The following CTBS variants were observed in gnomAD, a reference collection of about 807,000 sequenced individuals.
CTBS encodes di-N-acetylchitobiase.
Under a neutral mutation model 44.3 loss-of-function variants are expected in CTBS, and 35 were observed. The ratio of observed to expected loss-of-function variants is 0.79; its 90% CI spans 0.60 to 1.05. The LOEUF (loss-of-function observed/expected upper bound fraction) is 1.05. Among genes scored for constraint, CTBS ranks in the 50% least tolerant of loss-of-function variants. CTBS has a pLI of 0.00. For missense variants in CTBS, 458 were observed against 475.3 expected (o/e 0.96, Z 0.34); for synonymous variants, 143 against 168.0 (o/e 0.85, Z 1.15).
intron 1 of CTBS, chr1:84,574,008 TC>T (rs922742134): frequency 1.7e-5 from 23 of 1,390,776 alleles, no homozygotes; most frequent in African/African-American, 7.5e-5. Flanking sequence ...GTTTGAACTC[TC>T]GCCTGCCTAC....
rs941592740 is a variant in CTBS, at chr1:84,574,325, G to A, written c.91C>T (p.Leu31=). ...GLALLALLAL[L]ALRLAAGTDC... ...GTCCCGGCCGCGAGCCGCAGCGCCA[G>A]CAGCGCCAGCAGCGCCAGCAGCGCT... Residue 31 remains leucine, a synonymous_variant, in exon 1 of 7, where the codon CTG becomes TTG. Coordinates refer to ENST00000370630, the MANE Select transcript of CTBS (RefSeq NM_004388.3). The A allele has an allele frequency of 6.8e-7, 1 of 1,476,246 alleles. No homozygotes were observed. The highest frequency in any genetic ancestry group is 2.4e-5 in the African/African-American group (1 of 42,396). 91.4% of individuals were successfully genotyped at this position (1,476,246 alleles called of 1,614,324 possible).
intron 1 of CTBS, 25 bp downstream of exon 1, chr1:84,574,214 T>C (rs1319032369): frequency 1.3e-5 from 20 of 1,599,740 alleles, no homozygotes; most frequent in Non-Finnish European, 1.5e-5. Flanking sequence ...AGCCCAGACC[T>C]AGAGGAGCAG....
At chr1:84,562,405 G>T (rs1490474853) in intron 6 of CTBS, among the ~76,000 whole-genome samples, 1 of 152,098 alleles carries the variant, frequency 6.6e-6, no homozygotes, top group African/African-American at 2.4e-5. Context: ...CTCTGTGGAG[G>T]CATACACATG....
chr1:84,550,554 G>T lies in CTBS; in HGVS notation c.*4445C>A. 1 of 1,485,420 alleles carries T rather than the reference G, an allele frequency of 6.7e-7. No individual in the cohort carries two copies. Among genetic ancestry groups the T allele is most frequent in the Non-Finnish European group, 9.0e-7 (1 of 1,113,670 alleles). The allele number at this position is 1,485,420 out of a possible 1,614,324, so 92.0% of individuals were successfully genotyped here. ...AGGTAATTTACATTTTTCCTAATCAGATTATTATAACATTTATCTTGAAAT... is the reference window on the plus strand; with the variant it reads ...AGGTAATTTACATTTTTCCTAATCATATTATTATAACATTTATCTTGAAAT... On this transcript the variant is annotated 3_prime_UTR_variant, in exon 7 of 7. Coordinates refer to ENST00000370630, the MANE Select transcript of CTBS (RefSeq NM_004388.3).
intron 6 of CTBS, among the ~76,000 whole-genome samples, chr1:84,562,897 G>A (rs534459676): frequency 3.3e-5 from 5 of 152,282 alleles, no homozygotes; most frequent in South Asian, 2.1e-4. Flanking sequence ...ACTTTGAAAT[G>A]GAGGCTTTCA....
Position 84,563,806 on chromosome 1 carries a change from T to A in CTBS, c.724A>T (p.Ile242Phe), listed in dbSNP as rs148638389. 8.5e-4 allele frequency: 1,367 copies of A among 1,608,306 alleles called. 2 individuals carry two copies. Among genetic ancestry groups the A allele is most frequent in the Admixed American group, 2.1e-3 (125 of 59,542 alleles). Residue 242 changes from isoleucine to phenylalanine, a missense_variant, in exon 5 of 7, where the codon ATT (isoleucine) becomes TTT (phenylalanine). By Grantham distance (21) the Ile-to-Phe change is conservative. Coordinates refer to ENST00000370630, the MANE Select transcript of CTBS (RefSeq NM_004388.3). ...TGYNDYIKMS[I>F]NPKKLVMGVP... The stretch of plus-strand genomic sequence containing the variant: ...CCCATTACAAGTTTCTTAGGATTAA[T>A]GCTCATCTTGATGTAGTCATTATAT...
Position 84,553,074 on chromosome 1 carries a change from A to G in CTBS, c.*1925T>C. 1 of 1,531,792 alleles carries G rather than the reference A, an allele frequency of 6.5e-7. No individual in the cohort carries two copies. The allele number at this position is 1,531,792 out of a possible 1,614,324, so 94.9% of individuals were successfully genotyped here. On this transcript the variant is annotated 3_prime_UTR_variant, in exon 7 of 7. Coordinates refer to ENST00000370630, the MANE Select transcript of CTBS (RefSeq NM_004388.3). ...AGTTTCAGATTTACGAACATTGAAA[A>G]CTGAACTGGCACAGAAAAAAAAAAT...
chr1:84,550,996 A>G lies in CTBS; in HGVS notation c.*4003T>C, dbSNP rs1684253853. ...CTAGATGTTAAGTTTCCTTCCTGGCAGAGACTATGCCTTAGTTAACTTTGT... is the reference window on the plus strand; with the variant it reads ...CTAGATGTTAAGTTTCCTTCCTGGCGGAGACTATGCCTTAGTTAACTTTGT... On this transcript the variant is annotated 3_prime_UTR_variant, in exon 7 of 7. Coordinates refer to ENST00000370630, the MANE Select transcript of CTBS (RefSeq NM_004388.3). 5.1e-6 allele frequency: 5 copies of G among 984,902 alleles called. No individual in the cohort carries two copies. Among genetic ancestry groups the G allele is most frequent in the Non-Finnish European group, 6.0e-6 (5 of 829,508 alleles). 61.0% of individuals were successfully genotyped at this position (984,902 alleles called of 1,614,324 possible). A position where few individuals can be genotyped will look rare whatever the true frequency, so the allele number is the denominator to read the frequency against.
chr1:84,553,991 C>T lies in CTBS; in HGVS notation c.*1008G>A, dbSNP rs563513365. The T allele has an allele frequency of 6.6e-6, 1 of 152,104 alleles. No individual in the cohort carries two copies. The highest frequency in any genetic ancestry group is 1.9e-4 in the East Asian group (1 of 5,160). The allele number at this position is 152,104 out of a possible 1,614,324, so 9.4% of individuals were successfully genotyped here. A position where few individuals can be genotyped will look rare whatever the true frequency, so the allele number is the denominator to read the frequency against. ...GAGAAGCTAATCAGTGTCTTTAGAT[C>T]ATTAAAAGCACAATGCAGCTCATGC... On this transcript the variant is annotated 3_prime_UTR_variant, in exon 7 of 7. Coordinates refer to ENST00000370630, the MANE Select transcript of CTBS (RefSeq NM_004388.3).
intron 1 of CTBS, among the ~76,000 whole-genome samples, chr1:84,571,828 G>A (rs1380030075): frequency 6.6e-6 from 1 of 152,212 alleles, no homozygotes; most frequent in African/African-American, 2.4e-5. Flanking sequence ...CACTTTCGGA[G>A]TGGGCTGAAA....
At chr1:84,557,549 A>G (rs1007152743) in intron 6 of CTBS, among the ~76,000 whole-genome samples, 1,931 of 136,878 alleles carry the variant, frequency 0.014, 27 homozygotes, top group Non-Finnish European at 0.018. Flanking sequence ...AAAAAAAAAA[A>G]AAAAGAAAAA....
intron 4 of CTBS, 23 bp from the exon 5 acceptor site, chr1:84,563,855 G>C (rs769143395): frequency 6.3e-7 from 1 of 1,592,052 alleles, no homozygotes; most frequent in Non-Finnish European, 8.5e-7. Flanking sequence ...GAGAGAAAAA[G>C]CATATTTGTT....
Position 84,550,243 on chromosome 1 carries a change from C to T in CTBS, c.*4756G>A, listed in dbSNP as rs1684231197. On this transcript the variant is annotated 3_prime_UTR_variant, in exon 7 of 7. Transcript: ENST00000370630. ...AATGGTAACTTTAGAGAAAGTGTTC[C>T]CTAAAATGCAAGAAATCAACAGAAA... is the stretch of plus-strand genomic sequence containing the variant. The T allele has an allele frequency of 5.6e-6, 2 of 359,322 alleles. No individual in the cohort carries two copies. Among genetic ancestry groups the T allele is most frequent in the Non-Finnish European group, 1.0e-5 (2 of 196,974 alleles). 22.3% of individuals were successfully genotyped at this position (359,322 alleles called of 1,614,324 possible).
At chr1:84,571,824 C>G (rs1346077795) in intron 1 of CTBS, among the ~76,000 whole-genome samples, 1 of 152,160 alleles carries the variant, frequency 6.6e-6, no homozygotes, top group Non-Finnish European at 1.5e-5. Context: ...TACACACTTT[C>G]GGAGTGGGCT....
Position 84,550,691 on chromosome 1 carries a change from A to G in CTBS, c.*4308T>C. 1 of 1,197,628 alleles carries G rather than the reference A, an allele frequency of 8.3e-7. No individual in the cohort carries two copies. Among genetic ancestry groups the G allele is most frequent in the Non-Finnish European group, 1.0e-6 (1 of 957,364 alleles). 74.2% of individuals were successfully genotyped at this position (1,197,628 alleles called of 1,614,324 possible). On this transcript the variant is annotated 3_prime_UTR_variant, in exon 7 of 7. Transcript: ENST00000370630. Reference sequence around the variant, plus strand: ...AGAGCATAGGTGAAAAAAAAAATGCAGGAAGAAAAACTAAACCTGTGAAAA... The same window carrying G: ...AGAGCATAGGTGAAAAAAAAAATGCGGGAAGAAAAACTAAACCTGTGAAAA...
chr1:84,570,506 T>C (rs1647271431), intron 2 of CTBS, 76 bp downstream of exon 2: 1 of 1,328,646 alleles, frequency 7.5e-7, no homozygotes, highest in South Asian at 1.5e-5. Context: ...AGGACTTTTT[T>C]GGAAAGTCGG....
intron 6 of CTBS, among the ~76,000 whole-genome samples, chr1:84,560,104 AGAAAGAAAGAAAGAAAGAAAGAAAGAAAG>A (rs1344217020): frequency 4.4e-5 from 3 of 67,480 alleles, no homozygotes; most frequent in African/African-American, 1.9e-4. Flanking sequence ...AAAAAAAGAA[AGAAAGAAAGAAAGAAAGAAAGAAAGAAAG>A]GAAAGAAAGA....
intron 6 of CTBS, among the ~76,000 whole-genome samples, chr1:84,559,609 G>A (rs1036609179): frequency 3.3e-5 from 5 of 150,898 alleles, no homozygotes; most frequent in Non-Finnish European, 7.4e-5. Flanking sequence ...GTGACGGAGC[G>A]ATACTCCATC....
intron 1 of CTBS, among the ~76,000 whole-genome samples, chr1:84,571,856 G>C (rs1257038077): frequency 1.3e-5 from 2 of 152,174 alleles, no homozygotes; most frequent in Non-Finnish European, 2.9e-5. Context: ...AATGATGGAA[G>C]AGATATACCT....
Sources: allele counts gnomAD v4.1 joint callset (sites outside exome capture counted in the v4.1 genomes callset), GRCh38; gene constraint gnomAD v4.1.1; transcripts MANE v1.5; gene names NCBI Gene and HGNC (gene_info 2026-07-23, HGNC 2026-07-21).